LYST: variants seen among roughly 807,000 people sequenced by gnomAD.
The protein encoded by LYST is lysosomal-trafficking regulator.
In LYST, 192 loss-of-function variants were observed where a neutral mutation model predicts 413.6. The ratio of observed to expected loss-of-function variants is 0.46; its 90% CI spans 0.41 to 0.52. The LOEUF is 0.52. Ranked by LOEUF, LYST falls within the 20% of genes least tolerant of loss-of-function variation. LYST has a pLI of 0.00. For synonymous variants in LYST, 1,525 were observed against 1,567.3 expected, an observed-to-expected ratio of 0.97 and a Z score of 0.64; for missense variants, 3,815 against 4,499.9, an observed-to-expected ratio of 0.85 and a Z score of 4.35.
Position 235,746,509 on chromosome 1 carries a change from A to G in LYST, c.7799T>C (p.Leu2600Pro). Residue 2600 changes from leucine to proline, a missense_variant, in exon 29 of 53, where the codon CTT becomes CCT. This residue lies in a region of LYST where 771 missense variants were observed against 837.1 expected (regional missense o/e 0.92). Coordinates refer to ENST00000389793, the MANE Select transcript of LYST (RefSeq NM_000081.4). ...KSIAGPRKFP[L>P]AQTESLLMKM... ...CATCAGAAGCGATTCAGTTTGAGCA[A>G]GGGGAAATTTTCGAGGACCTTTAAA... is the stretch of plus-strand genomic sequence containing the variant. The G allele has an allele frequency of 6.2e-7, 1 of 1,613,470 alleles. No homozygotes were observed. Among genetic ancestry groups the G allele is most frequent in the South Asian group, 1.1e-5 (1 of 91,064 alleles).
At chr1:235,847,356 C>A (rs1004820713) in intron 1 of LYST, among the ~76,000 whole-genome samples, 1 of 152,158 alleles carries the variant, frequency 6.6e-6, no homozygotes. Flanking sequence ...CAAGCCACCA[C>A]TAGAAGAACT....
Position 235,702,934 on chromosome 1 carries a change from T to C in LYST, c.10187A>G (p.Gln3396Arg). Residue 3396 changes from glutamine (Q) to arginine (R), a missense_variant, in exon 45 of 53, where the codon CAG becomes CGG. Physicochemically the swap from Gln to Arg is conservative, Grantham distance 43 (BLOSUM62 1). This residue lies in a region of LYST where 866 missense variants were observed against 1,156.0 expected (regional missense o/e 0.75). Coordinates refer to ENST00000389793, the MANE Select transcript of LYST (RefSeq NM_000081.4). ...TATCATGGTTTCTAGCGCTCGTCTC[T>C]GAACTGGATCTTCAACTGCAGAGAC... The part of the protein sequence containing the change: ...MDVSAVEDPV[Q>R]RRALETMIKT... The C allele has an allele frequency of 6.2e-7, 1 of 1,614,212 alleles. No individual in the cohort carries two copies. The highest frequency in any genetic ancestry group is 8.5e-7 in the Non-Finnish European group (1 of 1,180,040).
Position 235,662,494 on chromosome 1 carries a change from ATG to A in LYST, c.*444_*445del. The A allele has an allele frequency of 5.3e-6, 1 of 189,310 alleles. No homozygotes were observed. The highest frequency in any genetic ancestry group is 9.6e-5 in the South Asian group (1 of 10,370). The allele number at this position is 189,310 out of a possible 1,614,324, so 11.7% of individuals were successfully genotyped here. The stretch of plus-strand genomic sequence containing the variant: ...CTTTTTTTCTTTCCTCTTTTGGAGC[ATG>A]TGTGTGTGGTGGGAGGAGTATTTCA... On this transcript the variant is annotated 3_prime_UTR_variant, in exon 53 of 53. Transcript: ENST00000389793.
At chr1:235,754,755 T>A (rs1666845179) in intron 25 of LYST, among the ~76,000 whole-genome samples, 1 of 151,894 alleles carries the variant, frequency 6.6e-6, no homozygotes, top group East Asian at 1.9e-4. Flanking sequence ...TCGTTAAGAG[T>A]GAGTTCACTA....
intron 1 of LYST, among the ~76,000 whole-genome samples, chr1:235,876,194 C>T (rs1400796045): frequency 6.6e-6 from 1 of 152,100 alleles, no homozygotes; most frequent in Non-Finnish European, 1.5e-5. Flanking sequence ...CGCACTCCAT[C>T]CTGGGTGACA....
intron 1 of LYST, among the ~76,000 whole-genome samples, chr1:235,842,231 C>T (rs370542590): frequency 6.6e-6 from 1 of 151,782 alleles, no homozygotes; most frequent in East Asian, 1.9e-4. Context: ...AGAAAGAGGC[C>T]AGGAAAATAA....
At chr1:235,802,210 A>C (rs1480521600) in intron 8 of LYST, among the ~76,000 whole-genome samples, 1 of 150,584 alleles carries the variant, frequency 6.6e-6, no homozygotes, top group Admixed American at 6.6e-5. Context: ...AAAAAAAAAA[A>C]AAAAAAAAAA....
chr1:235,793,357 C>T (rs1433449558), intron 11 of LYST, 146 bp downstream of exon 11: 3 of 509,456 alleles, frequency 5.9e-6, no homozygotes, highest in Non-Finnish European at 1.1e-5. Context: ...GTATTTCACA[C>T]ATAATAACAT....
intron 1 of LYST, among the ~76,000 whole-genome samples, chr1:235,866,008 G>A (rs1342812658): frequency 6.6e-6 from 1 of 152,118 alleles, no homozygotes; most frequent in African/African-American, 2.4e-5. Flanking sequence ...ATGGTCTGCC[G>A]AGCGGATCGG....
In LYST at chr1:235,747,562, T is replaced by C. The variant is rs10926567; in HGVS notation, c.7781-1035A>G. Among the ~76,000 whole-genome samples the C allele has an allele frequency of 6.4e-3, 970 of 152,228 alleles. 8 individuals are homozygous for C. The highest frequency in any genetic ancestry group is 0.022 in the African/African-American group (921 of 41,554). ...AAAAAAAAGAAAATACAAAAATTCA[T>C]ATCCTGTATATATTCAAGAGTTTTA... On this transcript the variant is annotated intron_variant, in intron 28 of 52. Coordinates refer to ENST00000389793, the MANE Select transcript of LYST (RefSeq NM_000081.4).
rs531753632 is a variant in LYST at position 235,752,317 on chromosome 1, C to G, written c.7461-146G>C. On this transcript the variant is annotated intron_variant, in intron 26 of 52. Transcript: ENST00000389793. The stretch of plus-strand genomic sequence containing the variant: ...TGCAGTCATTCAGTATTTATTCATG[C>G]TTATTCTATGGCAAGTAATATGTAG... 1.8e-5 allele frequency: 11 copies of G among 624,782 alleles called. No individual in the cohort carries two copies. The African/African-American group carries it at 2.0e-4, about 11-fold the overall frequency. 38.7% of individuals were successfully genotyped at this position (624,782 alleles called of 1,614,324 possible).
chr1:235,798,942 T>C, intron 10 of LYST, among the ~76,000 whole-genome samples: 1 of 152,134 alleles, frequency 6.6e-6, no homozygotes. Context: ...GCTCTGTAAA[T>C]AAACTGCCTA....
intron 1 of LYST, among the ~76,000 whole-genome samples, chr1:235,879,922 A>G (rs1681305808): frequency 1.3e-5 from 2 of 152,162 alleles, no homozygotes; most frequent in African/African-American, 4.8e-5. Flanking sequence ...TTTTTAGTAG[A>G]GACGGGGTTT....
At chr1:235,722,385 G>A in intron 39 of LYST, among the ~76,000 whole-genome samples, 1 of 152,224 alleles carries the variant, frequency 6.6e-6, no homozygotes, top group East Asian at 1.9e-4. Flanking sequence ...GCTTTCTATA[G>A]AGGAGAGCAG....
intron 8 of LYST, among the ~76,000 whole-genome samples, chr1:235,802,590 C>T (rs1672364758): frequency 2.6e-5 from 4 of 152,206 alleles, no homozygotes; most frequent in Non-Finnish European, 5.9e-5. Context: ...AATACGACAT[C>T]ACCCAGTTTA....
Position 235,686,765 on chromosome 1 carries a change from A to G in LYST, c.10800+184T>C, listed in dbSNP as rs570180663. The stretch of plus-strand genomic sequence containing the variant: ...CTCTGAAAAAAAATGGGACTACTAC[A>G]ATTGTTTTCAAGATTTTTCATGATT... On this transcript the variant is annotated intron_variant, in intron 48 of 52. Coordinates refer to ENST00000389793, the MANE Select transcript of LYST (RefSeq NM_000081.4). The surrounding 1 kb of genome is among the most constrained non-coding windows in gnomAD (Gnocchi z 4.0). Among the ~76,000 whole-genome samples the G allele has an allele frequency of 7.2e-5, 11 of 152,342 alleles. No homozygotes were observed. Among genetic ancestry groups the G allele is most frequent in the Admixed American group, 6.5e-4 (10 of 15,310 alleles).
At chr1:235,720,985 T>C in intron 39 of LYST, 80 bp from the exon 40 acceptor site, 1 of 1,383,656 alleles carries the variant, frequency 7.2e-7, no homozygotes, top group Non-Finnish European at 1.0e-6. Context: ...CCCATGACAT[T>C]ATAGACATGT....
chr1:235,857,740 A>AAT (rs1679358918), intron 1 of LYST, among the ~76,000 whole-genome samples: 1 of 86,848 alleles, frequency 1.2e-5, no homozygotes, highest in East Asian at 4.7e-4. Flanking sequence ...AACATATGTA[A>AAT]ATACACACAC....
intron 20 of LYST, among the ~76,000 whole-genome samples, chr1:235,769,456 G>A (rs1269787706): frequency 3.3e-5 from 5 of 151,922 alleles, no homozygotes; most frequent in African/African-American, 9.7e-5. Context: ...TAGTGCCACC[G>A]AAGCAAAGGC....
Sources: allele counts gnomAD v4.1 joint callset (sites outside exome capture counted in the v4.1 genomes callset), GRCh38; gene constraint gnomAD v4.1.1; regional missense constraint gnomAD v4.1.1; non-coding constraint Gnocchi (gnomAD v3.1); transcripts MANE v1.5; gene names NCBI Gene and HGNC (gene_info 2026-07-23, HGNC 2026-07-21).